FBXL2: variants seen among roughly 807,000 people sequenced by gnomAD.
FBXL2 encodes the protein F-box/LRR-repeat protein 2.
In FBXL2, 38 loss-of-function variants were observed where a neutral mutation model predicts 69.2. The observed-to-expected ratio is 0.55, with a 90% CI of 0.42 to 0.72. The LOEUF is 0.72. Among genes scored for constraint, FBXL2 ranks in the 30% least tolerant of loss-of-function variants. The probability of loss-of-function intolerance (pLI) is 0.00; values close to 1 mark genes in which losing one functional copy is unlikely to be tolerated. For synonymous variants in FBXL2, 192 were observed against 201.3 expected (o/e 0.95, Z 0.39); for missense variants, 354 against 520.3 (o/e 0.68, Z 3.11).
At chr3:33,395,331 T>A (rs1454307896) in intron 12 of FBXL2, among the ~76,000 whole-genome samples, 1 of 135,646 alleles carries the variant, frequency 7.4e-6, no homozygotes, top group Non-Finnish European at 1.6e-5. Flanking sequence ...TTAACACATC[T>A]TTTTTTTTTT....
Position 33,385,589 on chromosome 3 carries a change from G to A in FBXL2, c.1253G>A (p.Arg418Lys), listed in dbSNP as rs560817857. The A allele has an allele frequency of 9.9e-6, 16 of 1,614,008 alleles. No individual in the cohort carries two copies. The highest frequency in any genetic ancestry group is 3.4e-6 in the Non-Finnish European group (4 of 1,179,960). The part of the protein sequence containing the change: ...AVAGSGQRLC[R>K]CCVIL The stretch of plus-strand genomic sequence containing the variant: ...GCAGGAAGTGGACAGCGACTGTGCA[G>A]GTGCTGTGTCATTCTCTGACAGCAG... Residue 418 changes from arginine to lysine, a missense_variant, in exon 15 of 15, where the codon AGG becomes AAG. Physicochemically the swap from Arg to Lys is conservative, Grantham distance 26. Transcript: ENST00000484457.
chr3:33,394,283 C>T (rs563337469), intron 12 of FBXL2, among the ~76,000 whole-genome samples: 130 of 151,626 alleles, frequency 8.6e-4, no homozygotes, highest in Admixed American at 1.8e-3. Context: ...TGGGCTCACG[C>T]AGTCTGCCCA....
At position 33,385,663 on chromosome 3, in the gene FBXL2, G is replaced by A; in HGVS notation, c.*55G>A. The A allele has an allele frequency of 1.4e-6, 2 of 1,386,738 alleles. No individual in the cohort carries two copies. Among genetic ancestry groups the A allele is most frequent in the Non-Finnish European group, 2.1e-6 (2 of 974,536 alleles). 85.9% of individuals were successfully genotyped at this position (1,386,738 alleles called of 1,614,324 possible). A position where few individuals can be genotyped will look rare whatever the true frequency, so the allele number is the denominator to read the frequency against. On this transcript the variant is annotated 3_prime_UTR_variant, in exon 15 of 15. Transcript: ENST00000484457. ...AGGCATCCTTTCCTCTAGAAGACCT[G>A]AGTCTTCCTGACCGACTCCACCATC...
intron 4 of FBXL2, among the ~76,000 whole-genome samples, chr3:33,361,481 AGCCTGGGTGACAGAGTGGG>A (rs2041625120): frequency 6.6e-6 from 1 of 152,126 alleles, no homozygotes; most frequent in Non-Finnish European, 1.5e-5. Flanking sequence ...ATTGCACTCT[AGCCTGGGTGACAGAGTGGG>A]GCCCTGTCTC....
rs751510388 is a variant in FBXL2 at position 33,364,634 on chromosome 3, G to T, written c.205G>T (p.Val69Leu). ...NFQTDVEGRV[V>L]ENISKRCGGF... is the part of the protein sequence containing the mutation. ...ACTTTCTTGATTAAAGGGTCGAGTG[G>T]TGGAAAATATCTCGAAGCGATGCGG... is the stretch of plus-strand genomic sequence containing the variant. The change falls in exon 5 of 15, where the codon GTG becomes TTG. Residue 69 changes from valine (V) to leucine (L), a missense_variant. Coordinates refer to ENST00000484457, the MANE Select transcript of FBXL2 (RefSeq NM_012157.5). 6.2e-7 allele frequency: 1 copy of T among 1,614,142 alleles called. No homozygotes were observed. The highest frequency in any genetic ancestry group is 2.2e-5 in the East Asian group (1 of 44,892).
chr3:33,380,489 G>T (rs1268014984), intron 13 of FBXL2, among the ~76,000 whole-genome samples: 1 of 150,984 alleles, frequency 6.6e-6, no homozygotes, highest in African/African-American at 2.4e-5. Context: ...AACTGGGAGG[G>T]GGAGATTGCT....
chr3:33,359,173 C>A, intron 3 of FBXL2, 110 bp from the exon 4 acceptor site: 1 of 993,922 alleles, frequency 1.0e-6, no homozygotes. Flanking sequence ...ACTTAATATA[C>A]ATCAAAAATA....
chr3:33,311,630 T>C (rs189190209), intron 2 of FBXL2, among the ~76,000 whole-genome samples: 77 of 152,190 alleles, frequency 5.1e-4, no homozygotes, highest in African/African-American at 1.8e-3. Flanking sequence ...TTTGTTTGGC[T>C]CTTTTTTTTT....
At chr3:33,328,691 C>T (rs987731717) in intron 2 of FBXL2, among the ~76,000 whole-genome samples, 4 of 151,952 alleles carry the variant, frequency 2.6e-5, no homozygotes, top group Non-Finnish European at 5.9e-5. Flanking sequence ...AGATGCAAAA[C>T]CCAAAATGGA....
chr3:33,381,580 C>T (rs1245972000), intron 13 of FBXL2, among the ~76,000 whole-genome samples: 3 of 151,416 alleles, frequency 2.0e-5, no homozygotes, highest in Non-Finnish European at 4.4e-5. Context: ...GCCGAGATTG[C>T]GCCATTGCAC....
At chr3:33,283,584 C>G (rs2034276614) in intron 1 of FBXL2, among the ~76,000 whole-genome samples, 1 of 152,026 alleles carries the variant, frequency 6.6e-6, no homozygotes, top group Admixed American at 6.6e-5. Context: ...GGGAGGATAC[C>G]CTCTTTTTCT....
chr3:33,334,270 A>T (rs973223650), intron 2 of FBXL2, among the ~76,000 whole-genome samples: 10 of 152,340 alleles, frequency 6.6e-5, no homozygotes, highest in African/African-American at 2.4e-4. Flanking sequence ...GCCTTAAAAC[A>T]TCTGTGACAA....
rs1467149715 is a variant in FBXL2 at position 33,277,532 on chromosome 3, C to A, written c.3+17C>A. Reference sequence around the variant, plus strand: ...TCGGCCATGGTGAGTCTGGGACCCGCGTCTGCCTAGCTGCCCCGCCCTACC... The same window carrying A: ...TCGGCCATGGTGAGTCTGGGACCCGAGTCTGCCTAGCTGCCCCGCCCTACC... On this transcript the variant is annotated intron_variant, in intron 1 of 14. Coordinates refer to ENST00000484457, the MANE Select transcript of FBXL2 (RefSeq NM_012157.5). 2.3e-6 allele frequency: 3 copies of A among 1,292,650 alleles called. No homozygotes were observed. Among genetic ancestry groups the A allele is most frequent in the East Asian group, 6.2e-5 (2 of 32,516 alleles). 80.1% of individuals were successfully genotyped at this position (1,292,650 alleles called of 1,614,324 possible).
chr3:33,318,165 T>G (rs1273758638), intron 2 of FBXL2, among the ~76,000 whole-genome samples: 1 of 152,166 alleles, frequency 6.6e-6, no homozygotes, highest in Non-Finnish European at 1.5e-5. Context: ...CTCACTGGTA[T>G]CTATCTTGAG....
downstream of FBXL2, among the ~76,000 whole-genome samples, chr3:33,407,804 T>C (rs974509540): frequency 3.9e-5 from 6 of 152,248 alleles, no homozygotes; most frequent in Non-Finnish European, 8.8e-5. Context: ...CAACAGTGAA[T>C]ACAGCAGTCA....
chr3:33,371,901 A>G (rs2042328878), intron 5 of FBXL2, among the ~76,000 whole-genome samples: 1 of 152,178 alleles, frequency 6.6e-6, no homozygotes, highest in Admixed American at 6.5e-5. Flanking sequence ...ACTATTCTCA[A>G]TACTCTACCC....
chr3:33,408,003 C>T (rs1289117569), downstream of FBXL2, among the ~76,000 whole-genome samples: 1 of 152,114 alleles, frequency 6.6e-6, no homozygotes, highest in Admixed American at 6.5e-5. Flanking sequence ...AACCAGATGC[C>T]CCCTGACTGC....
chr3:33,349,922 C>T (rs993322231), intron 2 of FBXL2, among the ~76,000 whole-genome samples: 1 of 152,084 alleles, frequency 6.6e-6, no homozygotes, highest in African/African-American at 2.4e-5. Context: ...AAACAGAAAG[C>T]ACCAGACCCG....
At chr3:33,390,619 A>G, downstream of FBXL2, 3 of 545,294 alleles carry the variant, frequency 5.5e-6, no homozygotes, top group Non-Finnish European at 9.9e-6. Flanking sequence ...ACTGTCTGCC[A>G]GTTCTGGGGG....
Sources: gnomAD v4.1 joint callset for allele counts (sites outside exome capture counted in the v4.1 genomes callset) on GRCh38, gnomAD v4.1.1 for gene constraint, MANE v1.5 for transcripts, NCBI Gene and HGNC (gene_info 2026-07-23, HGNC 2026-07-21) for gene names.